Variants in TRAPPC9 observed in about 807,000 individuals in gnomAD.
TRAPPC9 encodes the protein IKK2 binding protein.
A neutral mutation model predicts 124.0 loss-of-function variants in TRAPPC9; 83 were observed. The observed-to-expected ratio is 0.67, with a 90% CI of 0.56 to 0.80. The LOEUF is 0.80. Among genes scored for constraint, TRAPPC9 ranks in the 30% least tolerant of loss-of-function variants. The pLI is 0.00. For synonymous variants in TRAPPC9, 638 were observed against 617.5 expected (o/e 1.03, Z -0.49); for missense variants, 1,302 against 1,508.3 (o/e 0.86, Z 2.27).
chr8:140,053,174 C>A (rs1207971434), intron 17 of TRAPPC9, among the ~76,000 whole-genome samples: 4 of 152,210 alleles, frequency 2.6e-5, no homozygotes, highest in Non-Finnish European at 5.9e-5. Flanking sequence ...AGAGAAAGGA[C>A]GATGAGACAG....
chr8:139,856,883 C>T (rs1273842903), intron 21 of TRAPPC9, among the ~76,000 whole-genome samples: 1 of 152,162 alleles, frequency 6.6e-6, no homozygotes, highest in Non-Finnish European at 1.5e-5. Context: ...TGTCATGTTT[C>T]ATTCAAGTAT....
chr8:140,024,080 C>G lies in TRAPPC9; in HGVS notation c.2557-1G>C. The G allele has an allele frequency of 6.2e-7, 1 of 1,613,266 alleles. No individual in the cohort carries two copies. Among genetic ancestry groups the G allele is most frequent in the Non-Finnish European group, 8.5e-7 (1 of 1,179,868 alleles). On this transcript the variant is annotated splice_acceptor_variant, in intron 17 of 22. Coordinates refer to ENST00000438773, the MANE Select transcript of TRAPPC9 (RefSeq NM_001160372.4). LOFTEE classifies it high-confidence loss of function. The stretch of plus-strand genomic sequence containing the variant: ...TGAAATTCAGGACAGCTTCCAGGGT[C>G]TAAAAGATATTAAAAAAAAAAATAC...
At chr8:140,024,153 C>A in intron 17 of TRAPPC9, 74 bp from the exon 18 acceptor site, 3 of 1,565,036 alleles carry the variant, frequency 1.9e-6, no homozygotes, top group Non-Finnish European at 2.6e-6. Context: ...AGGAGGCAAG[C>A]GGCTTCGCTT....
At chr8:139,806,983 C>T (rs141465822) in intron 21 of TRAPPC9, among the ~76,000 whole-genome samples, 141 of 152,352 alleles carry the variant, frequency 9.3e-4, no homozygotes, top group African/African-American at 2.4e-3. Flanking sequence ...GAGCACTTAG[C>T]GGCCTCCGGA....
intron 16 of TRAPPC9, among the ~76,000 whole-genome samples, chr8:140,243,967 CCTCAGGTTCT>C (rs2063921225): frequency 6.6e-6 from 1 of 152,226 alleles, no homozygotes; most frequent in Admixed American, 6.5e-5. Context: ...TCAGCAGCGG[CCTCAGGTTCT>C]CACAGGAGTG....
intron 17 of TRAPPC9, among the ~76,000 whole-genome samples, chr8:140,030,823 G>A (rs1256460360): frequency 6.6e-6 from 1 of 152,190 alleles, no homozygotes; most frequent in Non-Finnish European, 1.5e-5. Context: ...TGGTAGCAAG[G>A]AGATCGGCAG....
intron 19 of TRAPPC9, among the ~76,000 whole-genome samples, chr8:139,963,741 A>G (rs1835496794): frequency 7.7e-6 from 1 of 129,554 alleles, no homozygotes; most frequent in African/African-American, 3.1e-5. Context: ...TCCGAGAACC[A>G]GTTCTACCAA....
chr8:139,992,547 C>T (rs1474483254), intron 18 of TRAPPC9, among the ~76,000 whole-genome samples: 1 of 151,562 alleles, frequency 6.6e-6, no homozygotes, highest in Admixed American at 6.6e-5. Flanking sequence ...AAGAAATTAT[C>T]TCTTTCCAAA....
chr8:140,019,917 G>A (rs1466439871), intron 18 of TRAPPC9, among the ~76,000 whole-genome samples: 6 of 152,062 alleles, frequency 3.9e-5, no homozygotes, highest in African/African-American at 9.7e-5. Flanking sequence ...GCAGTGGCAC[G>A]ATCGTAGGTC....
At chr8:139,837,375 C>A (rs775955766) in intron 21 of TRAPPC9, among the ~76,000 whole-genome samples, 1 of 152,194 alleles carries the variant, frequency 6.6e-6, no homozygotes, top group Non-Finnish European at 1.5e-5. Flanking sequence ...CAGCCCCCAA[C>A]GGCACTTCAA....
rs923097057 is a variant in TRAPPC9, at chr8:139,729,208, T to C, written c.*1853A>G. Among the ~76,000 whole-genome samples, 2 of 152,258 alleles carry C rather than the reference T, an allele frequency of 1.3e-5. No homozygotes were observed. The highest frequency in any genetic ancestry group is 4.8e-5 in the African/African-American group (2 of 41,470). On this transcript the variant is annotated 3_prime_UTR_variant, in exon 23 of 23. Transcript: ENST00000438773. ...TTTCTACCTTTTAAACATGTTGTTA[T>C]AGACACGTTCTGAGGCATAGAAAAT...
chr8:139,834,871 T>C (rs1021345223), intron 21 of TRAPPC9, among the ~76,000 whole-genome samples: 3 of 152,206 alleles, frequency 2.0e-5, no homozygotes, highest in African/African-American at 7.2e-5. Context: ...AGCGGGGCTG[T>C]TGCTGGGAGC....
intron 17 of TRAPPC9, among the ~76,000 whole-genome samples, chr8:140,206,935 G>C (rs2062935490): frequency 6.6e-6 from 1 of 152,136 alleles, no homozygotes; most frequent in Non-Finnish European, 1.5e-5. Context: ...GTGCCAGACA[G>C]TCTGCTACGC....
chr8:140,215,955 G>C (rs1479482040), intron 17 of TRAPPC9: 1 of 152,278 alleles, frequency 6.6e-6, no homozygotes, highest in Non-Finnish European at 1.5e-5. Flanking sequence ...CAATGAGACA[G>C]AGAACCGATG....
chr8:140,287,678 C>G lies in TRAPPC9; in HGVS notation c.1911G>C (p.Pro637=), dbSNP rs148353187. 23 of 1,614,178 alleles carry G rather than the reference C, an allele frequency of 1.4e-5. No individual in the cohort carries two copies. The African/African-American group carries it at 2.9e-4, about 21-fold the overall frequency. ...FESLPAALSL[P]AESGLYPVTL... is the part of the protein sequence containing the mutation. ...TCACTGGGTACAGACCAGATTCAGC[C>G]GGAAGAGAAAGCGCCGCAGGGAGAG... Residue 637 remains proline (P), a synonymous_variant, in exon 13 of 23, where the codon CCG becomes CCC. Coordinates refer to ENST00000438773, the MANE Select transcript of TRAPPC9 (RefSeq NM_001160372.4).
chr8:140,123,833 T>C (rs955275624), intron 17 of TRAPPC9, among the ~76,000 whole-genome samples: 3 of 152,248 alleles, frequency 2.0e-5, no homozygotes, highest in African/African-American at 7.2e-5. Flanking sequence ...AATGGAAGTC[T>C]TGAGTTCTTT....
At chr8:139,849,632 T>A (rs1827321273) in intron 21 of TRAPPC9, among the ~76,000 whole-genome samples, 1 of 152,252 alleles carries the variant, frequency 6.6e-6, no homozygotes, top group African/African-American at 2.4e-5. Flanking sequence ...ATGCGCCATA[T>A]GGTGTGTGGA....
chr8:140,372,222 G>A (rs2068302579), intron 7 of TRAPPC9, among the ~76,000 whole-genome samples: 1 of 152,210 alleles, frequency 6.6e-6, no homozygotes, highest in South Asian at 2.1e-4. Flanking sequence ...GAAGAAGGAA[G>A]GCAGAGCCCA....
intron 5 of TRAPPC9, among the ~76,000 whole-genome samples, chr8:140,408,040 G>A (rs2069557586): frequency 1.3e-5 from 2 of 152,296 alleles, no homozygotes; most frequent in Admixed American, 1.3e-4. Flanking sequence ...TAGTGGGTCA[G>A]ACCAATTTAA....
Sources: gnomAD v4.1 joint callset for allele counts (sites outside exome capture counted in the v4.1 genomes callset) on GRCh38, gnomAD v4.1.1 for gene constraint, MANE v1.5 for transcripts, NCBI Gene and HGNC (gene_info 2026-07-23, HGNC 2026-07-21) for gene names.